The following LSAMP variants were observed in gnomAD, a reference collection of about 807,000 sequenced individuals.
The protein encoded by LSAMP is limbic system-associated membrane protein.
LSAMP carries 7 observed loss-of-function variants against 38.6 expected under a neutral mutation model. The observed-to-expected ratio is 0.18, with a 90% CI of 0.10 to 0.34. The LOEUF (loss-of-function observed/expected upper bound fraction) is 0.34. Among genes scored for constraint, LSAMP ranks in the 10% least tolerant of loss-of-function variants. LSAMP has a pLI of 1.00. For synonymous variants in LSAMP, 154 were observed against 166.8 expected (o/e 0.92, Z 0.59); for missense variants, 313 against 420.0 (o/e 0.75, Z 2.23).
chr3:116,027,280 C>T (rs753857396), intron 2 of LSAMP, among the ~76,000 whole-genome samples: 1 of 152,150 alleles, frequency 6.6e-6, no homozygotes, highest in Non-Finnish European at 1.5e-5. Flanking sequence ...ATTTGTTCAG[C>T]AGCAATGGTT....
chr3:116,317,870 T>C (rs2047653861), intron 1 of LSAMP, among the ~76,000 whole-genome samples: 1 of 150,558 alleles, frequency 6.6e-6, no homozygotes, highest in Non-Finnish European at 1.5e-5. Context: ...GCGCGGTGGC[T>C]CACGGCTGTA....
chr3:116,198,772 G>GAAAAAAAAAAAAAAAAA (rs71141858), intron 1 of LSAMP, among the ~76,000 whole-genome samples: 1 of 103,224 alleles, frequency 9.7e-6, no homozygotes, highest in Admixed American at 1.2e-4. Context: ...CTCCGTCTCA[G>GAAAAAAAAAAAAAAAAA]AAAAAAAAAG....
Position 116,273,707 on chromosome 3 carries a change from TACAC to T in LSAMP, c.155+171166_155+171169del, listed in dbSNP as rs10530643. ...GCATATATATATATATATATATATATACACACACACACACACGTATATATGTATA... is the reference window on the plus strand; with the variant it reads ...GCATATATATATATATATATATATATACACACACACACGTATATATGTATA... On this transcript the variant is annotated intron_variant, in intron 1 of 6. Coordinates refer to ENST00000490035, the MANE Select transcript of LSAMP (RefSeq NM_002338.5). 1.1e-3 allele frequency among the ~76,000 whole-genome samples: 113 copies of T among 102,548 alleles called. 3 individuals are homozygous for T. Among genetic ancestry groups the T allele is most frequent in the African/African-American group, 4.2e-3 (89 of 21,218 alleles). The allele number at this position is 102,548 out of a possible 152,430, so 67.3% of individuals were successfully genotyped here.
At chr3:116,252,179 T>C (rs2046692275) in intron 1 of LSAMP, among the ~76,000 whole-genome samples, 1 of 152,188 alleles carries the variant, frequency 6.6e-6, no homozygotes, top group Non-Finnish European at 1.5e-5. Flanking sequence ...ATGCCACATG[T>C]GTGCCAATGT....
rs79780397 is a variant in LSAMP, at chr3:116,021,040, T to G, written c.389-1400A>C. On this transcript the variant is annotated intron_variant, in intron 2 of 6. Transcript: ENST00000490035. ...TGATGGTACTTGGGCAACTGACTGG[T>G]TCAGAGTGTCACAAGGAGGAAGCAG... Among the ~76,000 whole-genome samples the G allele has an allele frequency of 2.2e-3, 330 of 152,218 alleles. 14 individuals carry two copies. In the East Asian group the frequency reaches 0.056, roughly 26 times the overall value.
At chr3:115,931,564 A>AC (rs1200913318) in intron 3 of LSAMP, among the ~76,000 whole-genome samples, 1 of 152,000 alleles carries the variant, frequency 6.6e-6, no homozygotes, top group Non-Finnish European at 1.5e-5. Flanking sequence ...GCGTGTCTCC[A>AC]CCCCCATCAT....
chr3:116,291,826 T>C (rs2047271378), intron 1 of LSAMP, among the ~76,000 whole-genome samples: 1 of 152,174 alleles, frequency 6.6e-6, no homozygotes, highest in African/African-American at 2.4e-5. Context: ...ACTTTAGAAG[T>C]TGCATAAACC....
chr3:116,021,376 A>G (rs924421335), intron 2 of LSAMP, among the ~76,000 whole-genome samples: 11 of 152,156 alleles, frequency 7.2e-5, no homozygotes, highest in African/African-American at 9.7e-5. Flanking sequence ...GCCCACCAAG[A>G]ACTATGGCTG....
intron 2 of LSAMP, 28 bp downstream of exon 2, chr3:116,086,294 TAC>T: frequency 6.4e-7 from 1 of 1,557,094 alleles, no homozygotes; most frequent in Non-Finnish European, 8.9e-7. Context: ...ACCTCTTTCT[TAC>T]CACCCTTCTA....
At chr3:116,296,965 A>G (rs1387935037) in intron 1 of LSAMP, among the ~76,000 whole-genome samples, 1 of 152,164 alleles carries the variant, frequency 6.6e-6, no homozygotes, top group East Asian at 1.9e-4. Flanking sequence ...ATTAAAAACA[A>G]CATGTTCTGA....
intron 1 of LSAMP, among the ~76,000 whole-genome samples, chr3:116,330,462 C>T (rs754257017): frequency 5.3e-5 from 8 of 152,164 alleles, no homozygotes; most frequent in South Asian, 2.1e-4. Context: ...AGCAGGTAAC[C>T]GTTATTGTTA....
intron 1 of LSAMP, among the ~76,000 whole-genome samples, chr3:116,208,934 G>C (rs572999188): frequency 5.9e-5 from 9 of 152,340 alleles, no homozygotes; most frequent in Middle Eastern, 3.4e-3. Flanking sequence ...CCACCCAGTT[G>C]GAGCTTCCCG....
At chr3:116,397,026 A>G (rs1467286730) in intron 1 of LSAMP, among the ~76,000 whole-genome samples, 3 of 152,168 alleles carry the variant, frequency 2.0e-5, no homozygotes, top group Non-Finnish European at 2.9e-5. Flanking sequence ...ATATTCATCT[A>G]ATTGGCCTTC....
At chr3:115,937,119 T>C (rs776735659) in intron 3 of LSAMP, among the ~76,000 whole-genome samples, 4 of 152,160 alleles carry the variant, frequency 2.6e-5, no homozygotes, top group Non-Finnish European at 5.9e-5. Flanking sequence ...TCACAAAGTA[T>C]AATTTAACCT....
At chr3:116,011,393 A>C (rs748978290) in intron 3 of LSAMP, among the ~76,000 whole-genome samples, 5 of 152,160 alleles carry the variant, frequency 3.3e-5, no homozygotes, top group Non-Finnish European at 5.9e-5. Flanking sequence ...ATCAAGTAGA[A>C]AGCCAGAATT....
intron 1 of LSAMP, among the ~76,000 whole-genome samples, chr3:116,322,407 A>G (rs2047717239): frequency 6.6e-6 from 1 of 152,200 alleles, no homozygotes; most frequent in Admixed American, 6.5e-5. Context: ...AGGAACATCC[A>G]AACATTTTTT....
chr3:116,445,088 G>T lies in LSAMP; in HGVS notation c.-57C>A, dbSNP rs1036981547. 4 of 1,535,030 alleles carry T rather than the reference G, an allele frequency of 2.6e-6. No homozygotes were observed. The highest frequency in any genetic ancestry group is 2.0e-4 in the Middle Eastern group (1 of 5,096). ...TGCTCTGGAGGGGTGCGCGCTGCTC[G>T]CGAGGAGAGGCTTCACCAACACGGG... On this transcript the variant is annotated 5_prime_UTR_variant, in exon 1 of 7. Transcript: ENST00000490035.
chr3:115,863,861 C>G (rs1206961615), intron 3 of LSAMP, among the ~76,000 whole-genome samples: 3 of 151,996 alleles, frequency 2.0e-5, no homozygotes, highest in African/African-American at 7.3e-5. Flanking sequence ...AAGAAAATCT[C>G]TACGATTTTT....
At chr3:116,377,699 T>C (rs2048511434) in intron 1 of LSAMP, among the ~76,000 whole-genome samples, 1 of 152,090 alleles carries the variant, frequency 6.6e-6, no homozygotes, top group African/African-American at 2.4e-5. Context: ...CATGGCCGAT[T>C]CACTGATTTT....
Sources: allele counts gnomAD v4.1 joint callset (sites outside exome capture counted in the v4.1 genomes callset), GRCh38; gene constraint gnomAD v4.1.1; transcripts MANE v1.5; gene names NCBI Gene and HGNC (gene_info 2026-07-23, HGNC 2026-07-21).